The following CC2D2A variants were observed in gnomAD, a reference collection of about 807,000 sequenced individuals.
CC2D2A encodes the protein coiled-coil and C2 domain-containing protein 2A.
CC2D2A carries 155 observed loss-of-function variants against 212.9 expected under a neutral mutation model. The observed-to-expected ratio is 0.73, with a 90% CI of 0.64 to 0.83. The LOEUF (loss-of-function observed/expected upper bound fraction) is 0.83. Among genes scored for constraint, CC2D2A ranks in the 40% least tolerant of loss-of-function variants. The pLI is 0.00. For missense variants in CC2D2A, 1,856 were observed against 1,956.2 expected (o/e 0.95, Z 0.97); for synonymous variants, 667 against 686.5 (o/e 0.97, Z 0.44).
At chr4:15,529,735 A>G (rs1418016936) in intron 13 of CC2D2A, among the ~76,000 whole-genome samples, 1 of 150,736 alleles carries the variant, frequency 6.6e-6, no homozygotes, top group Non-Finnish European at 1.5e-5. Flanking sequence ...CTGTAATTTA[A>G]ATTCCTAAAT....
intron 17 of CC2D2A, among the ~76,000 whole-genome samples, chr4:15,544,806 G>A (rs1376542670): frequency 6.6e-6 from 1 of 152,142 alleles, no homozygotes; most frequent in Non-Finnish European, 1.5e-5. Flanking sequence ...GCTTGCTGTG[G>A]ATGTTACAGT....
chr4:15,474,515 T>G (rs1176794183), intron 1 of CC2D2A, among the ~76,000 whole-genome samples: 1 of 152,096 alleles, frequency 6.6e-6, no homozygotes. Flanking sequence ...GAATGAGACC[T>G]AGTATTTGAT....
At chr4:15,476,122 T>C (rs1470344559) in intron 2 of CC2D2A, among the ~76,000 whole-genome samples, 151 bp downstream of exon 2, 2 of 152,200 alleles carry the variant, frequency 1.3e-5, no homozygotes, top group Non-Finnish European at 2.9e-5. Flanking sequence ...CAGAGTCTAA[T>C]TGTACAAAGA....
At chr4:15,539,412 T>C (rs939644099) in intron 16 of CC2D2A, among the ~76,000 whole-genome samples, 8 of 152,224 alleles carry the variant, frequency 5.3e-5, no homozygotes, top group African/African-American at 9.6e-5. Context: ...GAATCTTCAA[T>C]ATCCCAACGT....
At position 15,567,424 on chromosome 4, in the gene CC2D2A, A is replaced by G. The variant is rs1719934080; in HGVS notation, c.3230A>G (p.His1077Arg). The change falls in exon 25 of 37, where the codon CAT becomes CGT. Residue 1077 changes from histidine to arginine, a missense_variant. By Grantham distance (29) the His-to-Arg change is conservative (BLOSUM62 0). Transcript: ENST00000424120. ...SRSSRMFSEK[H>R]AASPSTYSPT... ...TCTTCAAGGATGTTCAGTGAAAAGC[A>G]TGCTGCTTCCCCAAGCACGTACAGC... The G allele has an allele frequency of 6.2e-7, 1 of 1,613,684 alleles. No homozygotes were observed.
In CC2D2A at chr4:15,537,070, A is replaced by C; in HGVS notation, c.1758A>C (p.Lys586Asn). 1 of 1,613,356 alleles carries C rather than the reference A, an allele frequency of 6.2e-7. No homozygotes were observed. ...TSLQQWKAWRKVQRAKKKKRK... is the reference protein window; with the variant it reads ...TSLQQWKAWRNVQRAKKKKRK... ...TACAACAGTGGAAGGCCTGGAGGAA[A>C]GTGCAAGTGTGTAAACAAACACTCA... The change falls in exon 15 of 37, where the codon AAA becomes AAC. Residue 586 changes from lysine (K) to asparagine (N), a missense_variant. Coordinates refer to ENST00000424120, the MANE Select transcript of CC2D2A (RefSeq NM_001378615.1).
chr4:15,545,116 G>T (rs968810935), intron 17 of CC2D2A, among the ~76,000 whole-genome samples: 2 of 152,150 alleles, frequency 1.3e-5, no homozygotes, highest in African/African-American at 4.8e-5. Flanking sequence ...TGTATTTCAA[G>T]TCTCTAGTCA....
In CC2D2A at chr4:15,560,632, A is replaced by T; in HGVS notation, c.3014+10A>T. 1 of 1,121,354 alleles carries T rather than the reference A, an allele frequency of 8.9e-7. No individual in the cohort carries two copies. Among genetic ancestry groups the T allele is most frequent in the Non-Finnish European group, 1.3e-6 (1 of 764,720 alleles). The allele number at this position is 1,121,354 out of a possible 1,614,324, so 69.5% of individuals were successfully genotyped here. A position where few individuals can be genotyped will look rare whatever the true frequency, so the allele number is the denominator to read the frequency against. On this transcript the variant is annotated intron_variant, in intron 23 of 36. Transcript: ENST00000424120. ...AAGTTCCCAATATCAGGTAAAAATAATCAAAGCCATTATTATCAATTCTTA... is the reference window on the plus strand; with the variant it reads ...AAGTTCCCAATATCAGGTAAAAATATTCAAAGCCATTATTATCAATTCTTA...
rs142321511 is a variant in CC2D2A, at chr4:15,599,430, T to C, written c.4497-99T>C. On this transcript the variant is annotated intron_variant, in intron 35 of 36. Transcript: ENST00000424120. ...AATCACAACTCCATCAACAAAAATA[T>C]AGTTATACAATCATCTGAATCCCCA... 1,251 of 720,516 alleles carry C rather than the reference T, an allele frequency of 1.7e-3. 9 individuals are homozygous for C. In the African/African-American group the frequency reaches 0.02, roughly 12 times the overall value. 44.6% of individuals were successfully genotyped at this position (720,516 alleles called of 1,614,324 possible).
In CC2D2A at chr4:15,570,434, A is replaced by G. The variant is rs1400243836; in HGVS notation, c.3532A>G (p.Ile1178Val). 1.2e-6 allele frequency: 2 copies of G among 1,607,990 alleles called. No homozygotes were observed. Among genetic ancestry groups the G allele is most frequent in the South Asian group, 1.1e-5 (1 of 89,840 alleles). The change falls in exon 28 of 37, where the codon ATT (isoleucine) becomes GTT (valine). Residue 1178 changes from isoleucine (I) to valine (V), a missense_variant. Ile to Val is a conservative substitution (Grantham distance 29, BLOSUM62 3). Around this residue, in one of 5 missense-constraint regions of CC2D2A, gnomAD observed 1,512 missense variants for 1,579.3 expected, o/e 0.96. Transcript: ENST00000424120. ...AAGAGGAAGTGGAATCCATACTCGT[A>G]TTGAGAGACACTGGCTGGGATGTGT... ...RERGSGIHTR[I>V]ERHWLGCVKM...
At chr4:15,482,261 T>G (rs1486945055) in intron 4 of CC2D2A, 1 of 984,190 alleles carries the variant, frequency 1.0e-6, no homozygotes, top group African/African-American at 1.7e-5. Context: ...GAACCAAAAT[T>G]TATCTCATAT....
At chr4:15,592,990 C>A (rs187354705) in intron 33 of CC2D2A, among the ~76,000 whole-genome samples, 18 of 152,340 alleles carry the variant, frequency 1.2e-4, no homozygotes, top group Non-Finnish European at 1.8e-4. Context: ...ATTATAGAGG[C>A]CAAATCATAC....
chr4:15,553,349 T>C (rs369812988), intron 19 of CC2D2A, 44 bp downstream of exon 19: 3 of 1,586,978 alleles, frequency 1.9e-6, no homozygotes, highest in African/African-American at 1.4e-5. Flanking sequence ...GTCAGTGTTA[T>C]CATTAAAGAT....
At chr4:15,516,871 T>C (rs1334305473) in intron 11 of CC2D2A, 115 bp downstream of exon 11, 2 of 1,010,192 alleles carry the variant, frequency 2.0e-6, no homozygotes, top group Non-Finnish European at 2.7e-6. Flanking sequence ...AATAATTCAC[T>C]ATCTTACACA....
intron 33 of CC2D2A, 23 bp from the exon 34 acceptor site, chr4:15,596,062 T>C (rs1447657048): frequency 4.6e-6 from 7 of 1,526,888 alleles, no homozygotes; most frequent in Non-Finnish European, 5.3e-6. Context: ...ACATATATGC[T>C]AATGTAGTCT....
intron 15 of CC2D2A, 77 bp from the exon 16 acceptor site, chr4:15,537,822 A>C (rs1161741395): frequency 1.4e-6 from 2 of 1,451,690 alleles, no homozygotes; most frequent in Non-Finnish European, 1.9e-6. Flanking sequence ...ATCCAGGTCC[A>C]TCTGGCTATG....
chr4:15,493,832 A>T (rs1329709390), intron 4 of CC2D2A, among the ~76,000 whole-genome samples: 1 of 152,214 alleles, frequency 6.6e-6, no homozygotes, highest in Non-Finnish European at 1.5e-5. Flanking sequence ...AAGGGTCAAG[A>T]CAAGATTCTG....
Position 15,478,092 on chromosome 4 carries a change from C to T in CC2D2A, c.40-631C>T, listed in dbSNP as rs182891161. 1.6e-4 allele frequency among the ~76,000 whole-genome samples: 24 copies of T among 152,280 alleles called. No individual in the cohort carries two copies. In the East Asian group the frequency reaches 2.7e-3, roughly 17 times the overall value. ...ACTAAAACATTTTAGAGCTCGTAGA[C>T]TTTAGAGCTTTCAGCTCTAACATTT... On this transcript the variant is annotated intron_variant, in intron 2 of 36. Coordinates refer to ENST00000424120, the MANE Select transcript of CC2D2A (RefSeq NM_001378615.1).
intron 4 of CC2D2A, among the ~76,000 whole-genome samples, chr4:15,499,195 T>G (rs1715782484): frequency 6.6e-6 from 1 of 152,308 alleles, no homozygotes; most frequent in Non-Finnish European, 1.5e-5. Flanking sequence ...ATATGTGTCA[T>G]TATAAGCTTT....
Sources: gnomAD v4.1 joint callset for allele counts (sites outside exome capture counted in the v4.1 genomes callset) on GRCh38, gnomAD v4.1.1 for gene constraint, gnomAD v4.1.1 regional missense constraint, MANE v1.5 for transcripts, NCBI Gene and HGNC (gene_info 2026-07-23, HGNC 2026-07-21) for gene names.